NTPCR: variants seen among roughly 807,000 people sequenced by gnomAD.
NTPCR encodes the protein cancer-related nucleoside-triphosphatase.
A neutral mutation model predicts 19.5 loss-of-function variants in NTPCR; 15 were observed. That is an observed-to-expected ratio of 0.77 (90% confidence interval 0.51 to 1.18). The LOEUF (loss-of-function observed/expected upper bound fraction) is 1.18, where lower values mean the gene tolerates loss of function less well. Among genes scored for constraint, NTPCR ranks in the 50% most tolerant of loss-of-function variants. The probability of loss-of-function intolerance (pLI) is 0.00; values close to 1 mark genes in which losing one functional copy is unlikely to be tolerated. For synonymous variants in NTPCR, 90 were observed against 95.8 expected (o/e 0.94, Z 0.36); for missense variants, 206 against 240.4 (o/e 0.86, Z 0.95).
At chr1:232,957,935 G>T (rs935439882) in intron 3 of NTPCR, among the ~76,000 whole-genome samples, 1 of 152,148 alleles carries the variant, frequency 6.6e-6, no homozygotes, top group African/African-American at 2.4e-5. Flanking sequence ...GAGAGAGTTA[G>T]TATTGGGGTA....
At chr1:232,951,761 G>C (rs955221229) in intron 1 of NTPCR, among the ~76,000 whole-genome samples, 2 of 152,136 alleles carry the variant, frequency 1.3e-5, no homozygotes, top group African/African-American at 2.4e-5. Context: ...CATTGGATGG[G>C]GGAGTTGGGG....
intron 4 of NTPCR, among the ~76,000 whole-genome samples, chr1:232,971,424 AATCCTGGAGT>A (rs1391499425): frequency 2.6e-5 from 4 of 152,168 alleles, no homozygotes; most frequent in African/African-American, 7.2e-5. Context: ...GCCACCAAAG[AATCCTGGAGT>A]ATCCACATGT....
chr1:232,976,326 GTTAT>G (rs1484801531), intron 4 of NTPCR: 1 of 1,489,944 alleles, frequency 6.7e-7, no homozygotes, highest in Non-Finnish European at 8.9e-7. Context: ...ACACTACCTT[GTTAT>G]TTACTCTGTA....
chr1:232,961,079 G>A (rs983562731), intron 3 of NTPCR, among the ~76,000 whole-genome samples: 61 of 152,250 alleles, frequency 4.0e-4, no homozygotes, highest in African/African-American at 1.4e-3. Context: ...ACATGGGAAT[G>A]GTCTCACAAC....
At chr1:232,958,401 A>G (rs537622957) in intron 3 of NTPCR, among the ~76,000 whole-genome samples, 64 of 152,284 alleles carry the variant, frequency 4.2e-4, no homozygotes, top group Non-Finnish European at 7.1e-4. Context: ...CGCTGTCTTC[A>G]TAGATCTTTG....
intron 3 of NTPCR, among the ~76,000 whole-genome samples, chr1:232,958,530 G>T (rs1314398727): frequency 6.6e-6 from 1 of 152,190 alleles, no homozygotes; most frequent in Non-Finnish European, 1.5e-5. Flanking sequence ...AGGGCTGGTG[G>T]TATCTTATGG....
At position 232,980,378 on chromosome 1, in the gene NTPCR, C is replaced by T. The variant is rs964994891; in HGVS notation, c.*2147C>T. On this transcript the variant is annotated 3_prime_UTR_variant, in exon 5 of 5. Transcript: ENST00000366628. ...CGGTGACAAAGGAGATTTGAACCCA[C>T]GTCTGCGTGGCTCCAAAGTTCACTC... 2.0e-5 allele frequency: 3 copies of T among 152,316 alleles called. No individual in the cohort carries two copies. The highest frequency in any genetic ancestry group is 4.8e-5 in the African/African-American group (2 of 41,570). The allele number at this position is 152,316 out of a possible 1,614,324, so 9.4% of individuals were successfully genotyped here. A position where few individuals can be genotyped will look rare whatever the true frequency, so the allele number is the denominator to read the frequency against.
At chr1:232,965,725 C>A (rs1019796508) in intron 3 of NTPCR, 1 of 152,274 alleles carries the variant, frequency 6.6e-6, no homozygotes, top group Non-Finnish European at 1.5e-5. Context: ...CTGGGCTCTC[C>A]GTCTCACTGG....
rs753143381 is a variant in NTPCR, at chr1:232,956,316, T to C, written c.198-31T>C. 6 of 1,537,810 alleles carry C rather than the reference T, an allele frequency of 3.9e-6. No homozygotes were observed. In the South Asian group the frequency reaches 6.7e-5, roughly 17 times the overall value. ...AACCAGAAATCAATACAGGAGTTTT[T>C]CAACAAAGAACATAATGTCTTTTCC... On this transcript the variant is annotated intron_variant, in intron 2 of 4. Transcript: ENST00000366628.
intron 3 of NTPCR, chr1:232,964,814 G>A (rs1282587499): frequency 6.6e-6 from 1 of 152,048 alleles, no homozygotes. Flanking sequence ...TAATGAAAAC[G>A]GTATCAGGTA....
rs1669250828 is a variant in NTPCR at position 232,980,352 on chromosome 1, G to A, written c.*2121G>A. 6.6e-6 allele frequency: 1 copy of A among 152,212 alleles called. No homozygotes were observed. The highest frequency in any genetic ancestry group is 1.5e-5 in the Non-Finnish European group (1 of 68,048). The allele number at this position is 152,212 out of a possible 1,614,324, so 9.4% of individuals were successfully genotyped here. On this transcript the variant is annotated 3_prime_UTR_variant, in exon 5 of 5. Coordinates refer to ENST00000366628, the MANE Select transcript of NTPCR (RefSeq NM_032324.3). The stretch of plus-strand genomic sequence containing the variant: ...TGGTTCGTTCAGGAGCACAGTGATA[G>A]CGGTGACAAAGGAGATTTGAACCCA...
rs756531084 is a variant in NTPCR at position 232,983,406 on chromosome 1, A to C, written c.*5175A>C. 1 of 152,230 alleles carries C rather than the reference A, an allele frequency of 6.6e-6. No individual in the cohort carries two copies. Among genetic ancestry groups the C allele is most frequent in the Non-Finnish European group, 1.5e-5 (1 of 68,048 alleles). The allele number at this position is 152,230 out of a possible 1,614,324, so 9.4% of individuals were successfully genotyped here. On this transcript the variant is annotated 3_prime_UTR_variant, in exon 5 of 5. Transcript: ENST00000366628. Reference sequence around the variant, plus strand: ...TATACTTGTAGAAATGAGAAGCTTCAGTATAACTCAAAACACTGGACGCAG... The same window carrying C: ...TATACTTGTAGAAATGAGAAGCTTCCGTATAACTCAAAACACTGGACGCAG...
intron 3 of NTPCR, chr1:232,965,808 G>T (rs557398863): frequency 1.3e-5 from 2 of 152,252 alleles, no homozygotes; most frequent in Non-Finnish European, 2.9e-5. Flanking sequence ...CCATTCAAGC[G>T]CTCTTCAGTC....
At chr1:232,967,637 G>A (rs540153735) in intron 3 of NTPCR, 1 of 152,286 alleles carries the variant, frequency 6.6e-6, no homozygotes, top group East Asian at 1.9e-4. Flanking sequence ...TTTACACATG[G>A]CCACGTGCAT....
At chr1:232,971,012 A>G (rs1443401354) in intron 4 of NTPCR, among the ~76,000 whole-genome samples, 3 of 152,228 alleles carry the variant, frequency 2.0e-5, no homozygotes, top group Non-Finnish European at 2.9e-5. Flanking sequence ...TGTAGACCAC[A>G]TGTGAGAGAT....
At chr1:232,957,641 T>G (rs1668550475) in intron 3 of NTPCR, among the ~76,000 whole-genome samples, 1 of 152,242 alleles carries the variant, frequency 6.6e-6, no homozygotes, top group Non-Finnish European at 1.5e-5. Flanking sequence ...GTTTTATTGA[T>G]TATGTAGTTT....
intron 1 of NTPCR, among the ~76,000 whole-genome samples, chr1:232,952,919 C>G (rs1313220047): frequency 1.3e-5 from 2 of 152,150 alleles, no homozygotes; most frequent in Admixed American, 1.3e-4. Flanking sequence ...TCCCTGGAGC[C>G]CACTTGGCCT....
Position 232,970,049 on chromosome 1 carries a change from A to G in NTPCR, c.435A>G (p.Pro145=). ...TPGTIILGTI[P]VPKGKPLALV... ...GGACTATAATCCTTGGCACAATCCCAGTTCCTAAAGGAAAGCCACTGGCTC... is the reference window on the plus strand; with the variant it reads ...GGACTATAATCCTTGGCACAATCCCGGTTCCTAAAGGAAAGCCACTGGCTC... Residue 145 remains proline, a synonymous_variant, in exon 4 of 5, where the codon CCA becomes CCG. Transcript: ENST00000366628. The G allele has an allele frequency of 3.7e-6, 6 of 1,614,234 alleles. No individual in the cohort carries two copies. The highest frequency in any genetic ancestry group is 1.3e-5 in the African/African-American group (1 of 75,060).
chr1:232,951,023 G>C (rs1668350861), intron 1 of NTPCR: 1 of 451,954 alleles, frequency 2.2e-6, no homozygotes, highest in South Asian at 3.5e-5. Context: ...AGCGGCAGCG[G>C]TAACTCCTAC....
Sources: gnomAD v4.1 joint callset for allele counts (sites outside exome capture counted in the v4.1 genomes callset) on GRCh38, gnomAD v4.1.1 for gene constraint, MANE v1.5 for transcripts, NCBI Gene and HGNC (gene_info 2026-07-23, HGNC 2026-07-21) for gene names.